Variants in KARS1 observed in about 807,000 individuals in gnomAD.
The protein encoded by KARS1 is lysine--tRNA ligase.
KARS1 carries 50 observed loss-of-function variants against 63.9 expected under a neutral mutation model. The ratio of observed to expected loss-of-function variants is 0.78; its 90% CI spans 0.62 to 0.99. The LOEUF is 0.99. Ranked by LOEUF, KARS1 falls within the 50% of genes least tolerant of loss-of-function variation. The probability of loss-of-function intolerance (pLI) is 0.00; values close to 1 mark genes in which losing one functional copy is unlikely to be tolerated. For missense variants in KARS1, 816 were observed against 754.5 expected (o/e 1.08, Z -0.95); for synonymous variants, 320 against 264.6 (o/e 1.21, Z -2.03).
intron 9 of KARS1, 81 bp downstream of exon 9, chr16:75,631,335 A>G: frequency 6.3e-7 from 1 of 1,583,562 alleles, no homozygotes; most frequent in Non-Finnish European, 8.7e-7. Context: ...AGTGTGGGAA[A>G]TTCTAGCTCT....
chr16:75,641,818 G>T (rs2082228450), intron 1 of KARS1, 95 bp from the exon 2 acceptor site: 2 of 1,316,408 alleles, frequency 1.5e-6, no homozygotes, highest in East Asian at 4.6e-5. Flanking sequence ...AATCGCCCAG[G>T]AGAAACGCTC....
At chr16:75,630,750 T>C (rs116989849) in intron 10 of KARS1, among the ~76,000 whole-genome samples, 73 of 152,254 alleles carry the variant, frequency 4.8e-4, no homozygotes, top group Middle Eastern at 3.4e-3. Flanking sequence ...TTCTCGTGCC[T>C]CAGCCTCCTG....
chr16:75,645,887 C>T lies in KARS1; in HGVS notation c.62+1691G>A, dbSNP rs370629831. Reference sequence around the variant, plus strand: ...AAAAAGTCAGTAAAGAGGAATTAACCAGTTTTTTCCGTTTACCTAAAAACA... The same window carrying T: ...AAAAAGTCAGTAAAGAGGAATTAACTAGTTTTTTCCGTTTACCTAAAAACA... On this transcript the variant is annotated intron_variant, in intron 1 of 13. Coordinates refer to ENST00000302445, the MANE Select transcript of KARS1 (RefSeq NM_005548.3). Among the ~76,000 whole-genome samples the T allele has an allele frequency of 4.7e-5, 7 of 149,678 alleles. No homozygotes were observed. The East Asian group carries it at 1.4e-3, about 29-fold the overall frequency.
chr16:75,628,317 A>G (rs1392202195), intron 13 of KARS1, among the ~76,000 whole-genome samples: 1 of 152,240 alleles, frequency 6.6e-6, no homozygotes, highest in African/African-American at 2.4e-5. Flanking sequence ...AGCTGAAATA[A>G]TGCACGGAGA....
intron 3 of KARS1, among the ~76,000 whole-genome samples, chr16:75,638,867 A>T (rs1224058103): frequency 6.6e-6 from 1 of 152,166 alleles, no homozygotes; most frequent in East Asian, 1.9e-4. Flanking sequence ...AAAAACAAAC[A>T]ATTAAAATAA....
At chr16:75,636,615 A>T in intron 3 of KARS1, 68 bp from the exon 4 acceptor site, 1 of 1,017,888 alleles carries the variant, frequency 9.8e-7, no homozygotes, top group South Asian at 1.3e-5. Context: ...CAGTGTCAAA[A>T]AAAAACTCCC....
At chr16:75,628,034 C>G (rs905855783) in intron 13 of KARS1, 41 bp from the exon 14 acceptor site, 2 of 1,220,028 alleles carry the variant, frequency 1.6e-6, no homozygotes, top group East Asian at 4.6e-5. Context: ...GAGAAGCACT[C>G]TCAACATTTT....
chr16:75,631,108 G>A (rs754928857), intron 10 of KARS1, 60 bp downstream of exon 10: 11 of 1,367,540 alleles, frequency 8.0e-6, no homozygotes, highest in Non-Finnish European at 1.1e-5. Context: ...ATTTTCCCAG[G>A]GAAGAGGGAA....
At chr16:75,638,403 A>G (rs2082187684) in intron 3 of KARS1, among the ~76,000 whole-genome samples, 1 of 151,536 alleles carries the variant, frequency 6.6e-6, no homozygotes, top group Admixed American at 6.6e-5. Context: ...GCCCCTTGAC[A>G]GGCCCCAGTG....
intron 3 of KARS1, among the ~76,000 whole-genome samples, chr16:75,636,792 C>T (rs189648196): frequency 1.0e-3 from 158 of 151,970 alleles, no homozygotes; most frequent in African/African-American, 3.7e-3. Flanking sequence ...CACCACCACA[C>T]TCGGCTAATT....
chr16:75,629,285 T>A, intron 12 of KARS1, 130 bp downstream of exon 12: 1 of 1,142,928 alleles, frequency 8.7e-7, no homozygotes, highest in South Asian at 1.3e-5. Context: ...ATGTGACTCC[T>A]CCAGCAAGCC....
chr16:75,630,263 C>T (rs550505818), intron 11 of KARS1, among the ~76,000 whole-genome samples, 160 bp downstream of exon 11: 3 of 152,266 alleles, frequency 2.0e-5, no homozygotes, highest in Admixed American at 2.0e-4. Flanking sequence ...AACCAAAGTG[C>T]CCTGGCAGAA....
chr16:75,634,761 G>A (rs1211852589), intron 6 of KARS1, among the ~76,000 whole-genome samples: 1 of 152,012 alleles, frequency 6.6e-6, no homozygotes, highest in African/African-American at 2.4e-5. Context: ...GTTTTTAGTA[G>A]AGACAGGGTT....
At chr16:75,629,896 A>G (rs897498277) in intron 11 of KARS1, among the ~76,000 whole-genome samples, 1 of 152,246 alleles carries the variant, frequency 6.6e-6, no homozygotes, top group Non-Finnish European at 1.5e-5. Context: ...GCCTGCATGC[A>G]GTCTCAGCAA....
At chr16:75,644,545 G>T in intron 1 of KARS1, 1 of 990,202 alleles carries the variant, frequency 1.0e-6, no homozygotes, top group Non-Finnish European at 1.4e-6. Context: ...GGTTGGGGAG[G>T]GGGACCATGC....
At chr16:75,628,173 A>G (rs1483092153) in intron 13 of KARS1, among the ~76,000 whole-genome samples, 180 bp from the exon 14 acceptor site, 2 of 152,246 alleles carry the variant, frequency 1.3e-5, no homozygotes, top group Non-Finnish European at 2.9e-5. Flanking sequence ...TACAGATGAC[A>G]AAGAACAAAT....
At chr16:75,628,518 A>G (rs751953303) in intron 13 of KARS1, 51 bp downstream of exon 13, 30 of 1,606,988 alleles carry the variant, frequency 1.9e-5, no homozygotes, top group Non-Finnish European at 2.1e-5. Flanking sequence ...CCTGGCTCCA[A>G]CACAATGCAG....
At chr16:75,629,686 G>T in intron 11 of KARS1, 145 bp from the exon 12 acceptor site, 1 of 847,824 alleles carries the variant, frequency 1.2e-6, no homozygotes, top group South Asian at 1.3e-5. Context: ...TGCAACCTCT[G>T]TCTCCTGGGT....
chr16:75,639,244 C>G (rs1226234237), intron 3 of KARS1, among the ~76,000 whole-genome samples: 3 of 152,022 alleles, frequency 2.0e-5, no homozygotes, highest in Non-Finnish European at 4.4e-5. Context: ...CACTGTGTAT[C>G]TGAGAATACT....
Sources: gnomAD v4.1 joint callset for allele counts (sites outside exome capture counted in the v4.1 genomes callset) on GRCh38, gnomAD v4.1.1 for gene constraint, MANE v1.5 for transcripts, NCBI Gene and HGNC (gene_info 2026-07-23, HGNC 2026-07-21) for gene names.